The following CAMK1D variants were observed in gnomAD, a reference collection of about 807,000 sequenced individuals.
CAMK1D encodes calcium/calmodulin-dependent protein kinase type 1D.
A neutral mutation model predicts 47.7 loss-of-function variants in CAMK1D; 9 were observed. The observed-to-expected ratio is 0.19, with a 90% CI of 0.11 to 0.33. The LOEUF (loss-of-function observed/expected upper bound fraction) is 0.33. Ranked by LOEUF, CAMK1D falls within the 10% of genes least tolerant of loss-of-function variation. The pLI, the probability that CAMK1D is intolerant of heterozygous loss-of-function variation, is 1.00. For synonymous variants in CAMK1D, 184 were observed against 184.9 expected (o/e 0.99, Z 0.04); for missense variants, 291 against 488.7 (o/e 0.60, Z 3.81).
At chr10:12,584,707 C>T (rs1837764348) in intron 2 of CAMK1D, among the ~76,000 whole-genome samples, 1 of 152,084 alleles carries the variant, frequency 6.6e-6, no homozygotes, top group African/African-American at 2.4e-5. Flanking sequence ...GTGGTCCCAA[C>T]TATTAGGAAG....
chr10:12,772,293 G>A (rs1000472732), intron 5 of CAMK1D, among the ~76,000 whole-genome samples: 8 of 152,060 alleles, frequency 5.3e-5, no homozygotes, highest in Non-Finnish European at 7.3e-5. Flanking sequence ...TCCAACTATC[G>A]GGAATCCCAG....
At chr10:12,647,935 T>C (rs921099269) in intron 2 of CAMK1D, among the ~76,000 whole-genome samples, 2 of 152,220 alleles carry the variant, frequency 1.3e-5, no homozygotes, top group Admixed American at 1.3e-4. Context: ...CAGGTCTGTG[T>C]GCAGGTGTGC....
chr10:12,802,128 T>A (rs1838509573), intron 6 of CAMK1D, among the ~76,000 whole-genome samples: 2 of 152,264 alleles, frequency 1.3e-5, no homozygotes, highest in South Asian at 4.1e-4. Context: ...AAATATTTTT[T>A]CATAAAATAT....
chr10:12,403,945 A>G (rs1588448007), intron 1 of CAMK1D, among the ~76,000 whole-genome samples: 1 of 151,012 alleles, frequency 6.6e-6, no homozygotes, highest in Admixed American at 6.6e-5. Flanking sequence ...GGCAGGTGGT[A>G]GTACTGGGGC....
chr10:12,503,733 A>G (rs1834778040), intron 1 of CAMK1D, among the ~76,000 whole-genome samples: 2 of 152,140 alleles, frequency 1.3e-5, no homozygotes, highest in African/African-American at 4.8e-5. Flanking sequence ...CTTTTCCATG[A>G]TGATTGGGCC....
chr10:12,787,959 C>A (rs1412567195), intron 5 of CAMK1D, among the ~76,000 whole-genome samples: 1 of 152,016 alleles, frequency 6.6e-6, no homozygotes, highest in Non-Finnish European at 1.5e-5. Flanking sequence ...GAGATTGTGC[C>A]GCTGCACTCC....
At chr10:12,625,172 A>G (rs1839169643) in intron 2 of CAMK1D, among the ~76,000 whole-genome samples, 1 of 151,796 alleles carries the variant, frequency 6.6e-6, no homozygotes, top group African/African-American at 2.4e-5. Flanking sequence ...CCCCGTCTCT[A>G]TTAAAAATAC....
At position 12,579,038 on chromosome 10, in the gene CAMK1D, G is replaced by A. The variant is rs189821524; in HGVS notation, c.224+25682G>A. Among the ~76,000 whole-genome samples, 255 of 152,286 alleles carry A rather than the reference G, an allele frequency of 1.7e-3. 1 individual carries two copies. The highest frequency in any genetic ancestry group is 5.6e-3 in the African/African-American group (232 of 41,554). On this transcript the variant is annotated intron_variant, in intron 2 of 10. Transcript: ENST00000619168. ...CCATATGCTTCAAGGGCATAGGGAA[G>A]TGTGTCTGCTCCAGGGAAGGGGCTT... is the stretch of plus-strand genomic sequence containing the variant.
intron 6 of CAMK1D, among the ~76,000 whole-genome samples, chr10:12,797,124 C>G (rs889806604): frequency 6.6e-6 from 1 of 151,996 alleles, no homozygotes; most frequent in Non-Finnish European, 1.5e-5. Flanking sequence ...GTCTCCAGGC[C>G]ACCTTCTCCA....
intron 1 of CAMK1D, among the ~76,000 whole-genome samples, chr10:12,386,694 G>T (rs1179265764): frequency 1.3e-5 from 2 of 152,152 alleles, no homozygotes; most frequent in African/African-American, 4.8e-5. Flanking sequence ...AGGGCTGGAA[G>T]TGTGTGTGTA....
At chr10:12,538,625 T>C (rs571245217) in intron 1 of CAMK1D, among the ~76,000 whole-genome samples, 2 of 152,236 alleles carry the variant, frequency 1.3e-5, no homozygotes, top group South Asian at 4.2e-4. Context: ...GGAGTGCCAG[T>C]TCCAGGAAGG....
In CAMK1D at chr10:12,646,546, T is replaced by C. The variant is rs556247680; in HGVS notation, c.225-20190T>C. On this transcript the variant is annotated intron_variant, in intron 2 of 10. Coordinates refer to ENST00000619168, the MANE Select transcript of CAMK1D (RefSeq NM_153498.4). Reference sequence around the variant, plus strand: ...GTGCCACAGAGCTAACAGTGAGACCTTGAGAAAATGACCGAACTTCCTTGC... The same window carrying C: ...GTGCCACAGAGCTAACAGTGAGACCCTGAGAAAATGACCGAACTTCCTTGC... Among the ~76,000 whole-genome samples the C allele has an allele frequency of 2.0e-5, 3 of 152,282 alleles. No homozygotes were observed. The South Asian group carries it at 6.2e-4, about 32-fold the overall frequency.
chr10:12,753,415 A>G (rs1214281831), intron 3 of CAMK1D, among the ~76,000 whole-genome samples: 1 of 152,212 alleles, frequency 6.6e-6, no homozygotes, highest in Non-Finnish European at 1.5e-5. Flanking sequence ...TTAACCTAGG[A>G]CACCTCAGGA....
At chr10:12,638,018 A>G (rs1366224955) in intron 2 of CAMK1D, among the ~76,000 whole-genome samples, 2 of 152,100 alleles carry the variant, frequency 1.3e-5, no homozygotes, top group East Asian at 3.9e-4. Context: ...TAGTGACCAC[A>G]GGCAGCTGAA....
intron 1 of CAMK1D, among the ~76,000 whole-genome samples, chr10:12,427,225 A>G (rs746434590): frequency 2.0e-5 from 3 of 152,126 alleles, no homozygotes; most frequent in African/African-American, 4.8e-5. Flanking sequence ...AGATACTTTG[A>G]TGGAGGGACT....
intron 1 of CAMK1D, among the ~76,000 whole-genome samples, chr10:12,511,663 C>T (rs935449531): frequency 2.6e-5 from 4 of 152,164 alleles, no homozygotes; most frequent in Non-Finnish European, 5.9e-5. Flanking sequence ...TCCTCCAATC[C>T]AGTTGGATCA....
chr10:12,572,039 A>ACC (rs3062649), intron 2 of CAMK1D, among the ~76,000 whole-genome samples: 10,247 of 139,428 alleles, frequency 0.073, 706 homozygotes, highest in East Asian at 0.25. Flanking sequence ...CAAAAACTAA[A>ACC]CCCCCCCCCA....
Position 12,679,958 on chromosome 10 carries a change from C to T in CAMK1D, c.299+13148C>T, listed in dbSNP as rs148062371. Among the ~76,000 whole-genome samples, 287 of 152,340 alleles carry T rather than the reference C, an allele frequency of 1.9e-3. 8 individuals are homozygous for T. The East Asian group carries it at 0.051, about 27-fold the overall frequency. ...CAATCATTGCGAGTTACAGTGGCTC[C>T]TCTCTAAAATGTAAGCTACACATCC... On this transcript the variant is annotated intron_variant, in intron 3 of 10. Coordinates refer to ENST00000619168, the MANE Select transcript of CAMK1D (RefSeq NM_153498.4).
intron 3 of CAMK1D, among the ~76,000 whole-genome samples, chr10:12,745,888 G>A (rs1230048802): frequency 1.3e-5 from 2 of 152,164 alleles, no homozygotes; most frequent in African/African-American, 4.8e-5. Flanking sequence ...ACAGGCATGA[G>A]CTACTTTGCC....
Sources: allele counts gnomAD v4.1 joint callset (sites outside exome capture counted in the v4.1 genomes callset), GRCh38; gene constraint gnomAD v4.1.1; transcripts MANE v1.5; gene names NCBI Gene and HGNC (gene_info 2026-07-23, HGNC 2026-07-21).